The following IL17D variants were observed in gnomAD, a reference collection of about 807,000 sequenced individuals.
The protein encoded by IL17D is interleukin 17D.
Under a neutral mutation model 5.7 loss-of-function variants are expected in IL17D, and 10 were observed. That is an observed-to-expected ratio of 1.75 (90% confidence interval 1.08 to 2.97). The LOEUF (loss-of-function observed/expected upper bound fraction) is 2.97, where lower values mean the gene tolerates loss of function less well. Among genes scored for constraint, IL17D ranks in the 30% most tolerant of loss-of-function variants. The pLI is 0.00. For missense variants in IL17D, 354 were observed against 292.7 expected (o/e 1.21, Z -1.53); for synonymous variants, 172 against 141.7 (o/e 1.21, Z -1.52).
At position 20,706,020 on chromosome 13, in the gene IL17D, C is replaced by T. The variant is rs112515182; in HGVS notation, c.290+1729C>T. On this transcript the variant is annotated intron_variant, in intron 1 of 1. Transcript: ENST00000682841. ...GGAGATTTCCTTTTACTCAACAACACACAGGACCCCTATGCTGTCCTGGGA... is the reference window on the plus strand; with the variant it reads ...GGAGATTTCCTTTTACTCAACAACATACAGGACCCCTATGCTGTCCTGGGA... Among the ~76,000 whole-genome samples, 33 of 152,318 alleles carry T rather than the reference C, an allele frequency of 2.2e-4. No individual in the cohort carries two copies. In the South Asian group the frequency reaches 6.8e-3, roughly 32 times the overall value.
intron 1 of IL17D, among the ~76,000 whole-genome samples, chr13:20,710,621 C>A (rs1470908474): frequency 1.0e-5 from 1 of 97,054 alleles, no homozygotes; most frequent in South Asian, 3.5e-4. Context: ...AAAAGCAAAA[C>A]TCTGTCTAAA....
upstream of IL17D, chr13:20,702,915 C>T (rs2058556155): frequency 6.6e-6 from 1 of 152,264 alleles, no homozygotes; most frequent in Admixed American, 6.5e-5. Flanking sequence ...AGAGGTAGCT[C>T]TAAGGAGAAT....
intron 1 of IL17D, among the ~76,000 whole-genome samples, chr13:20,711,790 G>T (rs544735291): frequency 2.9e-4 from 44 of 152,190 alleles, no homozygotes; most frequent in Non-Finnish European, 4.7e-4. Flanking sequence ...TCCCTTCAGG[G>T]ATTTCATTTG....
chr13:20,708,585 C>T (rs9579929), intron 1 of IL17D, among the ~76,000 whole-genome samples: 97,267 of 151,914 alleles, frequency 0.64, 32,579 homozygotes, highest in Non-Finnish European at 0.75. Context: ...TACATAATTA[C>T]ACACCATTTC....
At position 20,716,024 on chromosome 13, in the gene IL17D, C is replaced by T. The variant is rs561970814; in HGVS notation, c.291-5612C>T. On this transcript the variant is annotated intron_variant, in intron 1 of 1. Transcript: ENST00000682841. The surrounding 1 kb of genome is among the most constrained non-coding windows in gnomAD (Gnocchi z 4.2). ...TGCTGCGATTACAGGCATGAGCCAC[C>T]GCGCCCGGCCAGAATCGACACTTTT... is the stretch of plus-strand genomic sequence containing the variant. 1.9e-5 allele frequency: 18 copies of T among 923,506 alleles called. No homozygotes were observed. The East Asian group carries it at 1.2e-3, about 60-fold the overall frequency. 57.2% of individuals were successfully genotyped at this position (923,506 alleles called of 1,614,324 possible).
At chr13:20,702,585 G>A (rs1391384940), upstream of IL17D, 1 of 152,250 alleles carries the variant, frequency 6.6e-6, no homozygotes, top group African/African-American at 2.4e-5. Context: ...GTTGTCTTGT[G>A]TTATGAAGTA....
chr13:20,711,789 G>A (rs2058639841), intron 1 of IL17D, among the ~76,000 whole-genome samples: 1 of 152,048 alleles, frequency 6.6e-6, no homozygotes, highest in African/African-American at 2.4e-5. Flanking sequence ...TTCCCTTCAG[G>A]GATTTCATTT....
In IL17D at chr13:20,721,920, T is replaced by C. The variant is rs1182480128; in HGVS notation, c.575T>C (p.Leu192Pro). ...ATCGACAAACAGGGCGCCAAGCTCCTGCTGGGCCCCAACGACGCGCCCGCT... is the reference window on the plus strand; with the variant it reads ...ATCGACAAACAGGGCGCCAAGCTCCCGCTGGGCCCCAACGACGCGCCCGCT... ...SSIDKQGAKL[L>P]LGPNDAPAGP Residue 192 changes from leucine to proline, a missense_variant, in exon 2 of 2, where the codon CTG becomes CCG. Coordinates refer to ENST00000682841, the MANE Select transcript of IL17D (RefSeq NM_001385224.1). The C allele has an allele frequency of 1.9e-6, 3 of 1,602,938 alleles. No individual in the cohort carries two copies.
intron 1 of IL17D, among the ~76,000 whole-genome samples, chr13:20,705,127 C>G (rs184825777): frequency 9.1e-4 from 139 of 152,256 alleles, no homozygotes; most frequent in Admixed American, 4.3e-3. Flanking sequence ...CTAGCTGGAG[C>G]AGGAGGAGCT....
intron 1 of IL17D, among the ~76,000 whole-genome samples, chr13:20,721,061 A>C (rs895541223): frequency 3.9e-5 from 6 of 152,106 alleles, no homozygotes; most frequent in African/African-American, 1.4e-4. Context: ...CTCACAGGCC[A>C]CTGAGAGCTG....
chr13:20,718,918 AC>A (rs1366818171), intron 1 of IL17D, among the ~76,000 whole-genome samples: 7 of 116,464 alleles, frequency 6.0e-5, no homozygotes, highest in South Asian at 6.1e-4. Flanking sequence ...ATGCTCACAC[AC>A]CAACACACAC....
chr13:20,704,325 A>G (rs2058572929), intron 1 of IL17D, 34 bp downstream of exon 1: 5 of 332,050 alleles, frequency 1.5e-5, no homozygotes, highest in Non-Finnish European at 2.0e-5. Flanking sequence ...GGGGCCCGGC[A>G]GGTGGGGAGG....
chr13:20,709,043 C>T (rs188771168), intron 1 of IL17D, among the ~76,000 whole-genome samples: 207 of 151,192 alleles, frequency 1.4e-3, no homozygotes, highest in African/African-American at 4.3e-3. Context: ...GGACTGTTCC[C>T]GGGGAAGGAA....
upstream of IL17D, chr13:20,701,521 A>T (rs2058548285): frequency 6.6e-6 from 1 of 152,232 alleles, no homozygotes; most frequent in Admixed American, 6.5e-5. Context: ...CATGCTAAGC[A>T]GTCTTGCAGC....
intron 1 of IL17D, among the ~76,000 whole-genome samples, chr13:20,705,602 T>A (rs2058585841): frequency 6.6e-6 from 1 of 152,114 alleles, no homozygotes; most frequent in East Asian, 1.9e-4. Context: ...GAGGCTTAAG[T>A]GGGAGGATAG....
intron 1 of IL17D, chr13:20,717,188 T>G (rs2058684263): frequency 6.6e-6 from 1 of 152,270 alleles, no homozygotes; most frequent in Admixed American, 6.5e-5. Context: ...CAAGCCAAGC[T>G]TCCCACGTGG....
At chr13:20,720,921 G>A (rs41502648) in intron 1 of IL17D, among the ~76,000 whole-genome samples, 1,691 of 134,206 alleles carry the variant, frequency 0.013, 16 homozygotes, top group Non-Finnish European at 0.019. Flanking sequence ...GTCCTGGCAC[G>A]GAGGTGGCAC....
chr13:20,709,177 C>T (rs867821796), intron 1 of IL17D, among the ~76,000 whole-genome samples: 8 of 145,798 alleles, frequency 5.5e-5, no homozygotes, highest in African/African-American at 1.3e-4. Context: ...CAGCAGGCTA[C>T]GTTGGCAAGG....
intron 1 of IL17D, chr13:20,715,922 C>G (rs1212973305): frequency 6.4e-6 from 1 of 155,464 alleles, no homozygotes; most frequent in African/African-American, 2.4e-5. Context: ...TATTCTTTTA[C>G]GTATTTTTTG....
Sources: gnomAD v4.1 joint callset for allele counts (sites outside exome capture counted in the v4.1 genomes callset) on GRCh38, gnomAD v4.1.1 for gene constraint, Gnocchi (gnomAD v3.1) non-coding constraint, MANE v1.5 for transcripts, NCBI Gene and HGNC (gene_info 2026-07-23, HGNC 2026-07-21) for gene names.